Variants in DENND4A observed in about 807,000 individuals in gnomAD.
DENND4A encodes the protein DENN domain containing 4A, also known as C-myc promoter-binding protein.
In DENND4A, 70 loss-of-function variants were observed where a neutral mutation model predicts 199.3. That is an observed-to-expected ratio of 0.35 (90% CI 0.29 to 0.43). The LOEUF is 0.43. DENND4A is among the 20% of genes least tolerant of loss of function. DENND4A has a pLI of 1.00. For synonymous variants in DENND4A, 686 were observed against 766.9 expected (o/e 0.89, Z 1.74); for missense variants, 1,723 against 2,255.8 (o/e 0.76, Z 4.78).
intron 11 of DENND4A, among the ~76,000 whole-genome samples, chr15:65,723,242 T>C (rs2075702011): frequency 6.6e-6 from 1 of 152,180 alleles, no homozygotes; most frequent in Non-Finnish European, 1.5e-5. Context: ...TAAAGCTTAA[T>C]GTGGTGATCT....
Position 65,664,622 on chromosome 15 carries a change from G to C in DENND4A, c.5460C>G (p.Val1820=). Residue 1820 remains valine, a synonymous_variant, in exon 31 of 33, where the codon GTC becomes GTG. Transcript: ENST00000443035. The part of the protein sequence containing the change: ...SMVKSIKMND[V]YGPMSQILET... ...CTAAAATCTGACTCATTGGTCCATA[G>C]ACATCATTCATTTTAATGCTTTTTA... 6.2e-7 allele frequency: 1 copy of C among 1,612,858 alleles called. No homozygotes were observed. The highest frequency in any genetic ancestry group is 1.1e-5 in the South Asian group (1 of 91,042).
At chr15:65,676,983 A>G (rs2076402418) in intron 23 of DENND4A, among the ~76,000 whole-genome samples, 1 of 152,186 alleles carries the variant, frequency 6.6e-6, no homozygotes, top group Non-Finnish European at 1.5e-5. Context: ...CTTTTCCACA[A>G]TATCCAAGGT....
At chr15:65,693,578 T>C (rs2077045479) in intron 22 of DENND4A, among the ~76,000 whole-genome samples, 1 of 151,758 alleles carries the variant, frequency 6.6e-6, no homozygotes, top group South Asian at 2.1e-4. Context: ...ACAGCCTTTT[T>C]ATACATGCTT....
At chr15:65,710,605 C>T (rs558889943) in intron 14 of DENND4A, among the ~76,000 whole-genome samples, 2 of 152,174 alleles carry the variant, frequency 1.3e-5, no homozygotes, top group African/African-American at 4.8e-5. Flanking sequence ...CACAATTGTT[C>T]CTATAAAAAA....
Position 65,732,800 on chromosome 15 carries a change from C to T in DENND4A, c.1059G>A (p.Met353Ile). 6.2e-7 allele frequency: 1 copy of T among 1,600,492 alleles called. No individual in the cohort carries two copies. Among genetic ancestry groups the T allele is most frequent in the Non-Finnish European group, 8.6e-7 (1 of 1,169,144 alleles). ...LPIEKHISHF[M>I]HKVPFPSPQR... ...GAGGAGATGGAAAAGGAACTTTATG[C>T]ATAAAATGAGAAATATGCCTTGAAA... Residue 353 changes from methionine to isoleucine, a missense_variant, in exon 8 of 33, where the codon ATG becomes ATA. Coordinates refer to ENST00000443035, the MANE Select transcript of DENND4A (RefSeq NM_001320835.1).
rs1227829186 is a variant in DENND4A at position 65,732,646 on chromosome 15, T to C, written c.1107+106A>G. ...GTAATAGTATCTGGTTCTCTCTAAA[T>C]CTCATTAGGTTTTTTTCCTCATTCA... On this transcript the variant is annotated intron_variant, in intron 8 of 32. Coordinates refer to ENST00000443035, the MANE Select transcript of DENND4A (RefSeq NM_001320835.1). 2.6e-5 allele frequency: 18 copies of C among 690,800 alleles called. No individual in the cohort carries two copies. In the East Asian group the frequency reaches 4.1e-4, roughly 16 times the overall value. 42.8% of individuals were successfully genotyped at this position (690,800 alleles called of 1,614,324 possible). A position where few individuals can be genotyped will look rare whatever the true frequency, so the allele number is the denominator to read the frequency against.
At chr15:65,789,543 T>C (rs2077659907) in intron 1 of DENND4A, among the ~76,000 whole-genome samples, 1 of 150,354 alleles carries the variant, frequency 6.7e-6, no homozygotes, top group African/African-American at 2.4e-5. Context: ...ATGTATCAGC[T>C]ATTCTCAGTC....
At chr15:65,758,045 G>A (rs2076756545) in intron 2 of DENND4A, among the ~76,000 whole-genome samples, 1 of 152,084 alleles carries the variant, frequency 6.6e-6, no homozygotes, top group East Asian at 1.9e-4. Flanking sequence ...CAGTTCTTGA[G>A]GGTACAGCCT....
At chr15:65,734,578 A>T (rs905598256) in intron 7 of DENND4A, among the ~76,000 whole-genome samples, 2 of 152,072 alleles carry the variant, frequency 1.3e-5, no homozygotes, top group Non-Finnish European at 2.9e-5. Flanking sequence ...TGTTCCACCT[A>T]ACGAGAAACA....
intron 23 of DENND4A, among the ~76,000 whole-genome samples, chr15:65,677,570 C>T (rs887366035): frequency 2.6e-5 from 4 of 152,104 alleles, no homozygotes; most frequent in African/African-American, 9.7e-5. Context: ...AGGTCTGTAT[C>T]TTGCTAATGA....
intron 32 of DENND4A, among the ~76,000 whole-genome samples, chr15:65,662,273 T>A (rs1258957647): frequency 6.6e-6 from 1 of 152,198 alleles, no homozygotes; most frequent in Non-Finnish European, 1.5e-5. Flanking sequence ...ACAGTAAAAA[T>A]AAATAATAGC....
At chr15:65,771,749 G>A in intron 1 of DENND4A, 1 of 1,612,196 alleles carries the variant, frequency 6.2e-7, no homozygotes, top group Non-Finnish European at 8.5e-7. Context: ...AAACCTCTAT[G>A]GAAATTAAAT....
At chr15:65,734,158 C>G (rs532347724) in intron 7 of DENND4A, among the ~76,000 whole-genome samples, 1 of 152,152 alleles carries the variant, frequency 6.6e-6, no homozygotes, top group Admixed American at 6.5e-5. Flanking sequence ...GTCTCCTGCC[C>G]GTCCCTGGGC....
intron 4 of DENND4A, among the ~76,000 whole-genome samples, chr15:65,746,882 TATGGTAAAACCCTGTTCTCTACTAAAAAA>T (rs2076414512): frequency 6.7e-6 from 1 of 149,458 alleles, no homozygotes; most frequent in Non-Finnish European, 1.5e-5. Flanking sequence ...GCCTGGCCAA[TATGGTAAAACCCTGTTCTCTACTAAAAAA>T]ATGGTAAAAC....
intron 32 of DENND4A, among the ~76,000 whole-genome samples, chr15:65,663,981 G>T (rs1209511230): frequency 6.6e-6 from 1 of 152,024 alleles, no homozygotes; most frequent in South Asian, 2.1e-4. Context: ...TTCCTGACTA[G>T]TCCTTTTCTT....
chr15:65,734,166 G>A (rs1204167070), intron 7 of DENND4A, among the ~76,000 whole-genome samples: 1 of 152,156 alleles, frequency 6.6e-6, no homozygotes. Context: ...CCCGTCCCTG[G>A]GCAATGGAAT....
chr15:65,737,647 A>G (rs2076152409), intron 7 of DENND4A, 60 bp downstream of exon 7: 1 of 1,494,080 alleles, frequency 6.7e-7, no homozygotes, highest in African/African-American at 1.4e-5. Context: ...AGTTGCCGAC[A>G]CAAATTTGCC....
At position 65,729,782 on chromosome 15, in the gene DENND4A, T is replaced by A. The variant is rs942079849; in HGVS notation, c.1167-104A>T. ...GTTGATTAGAGTAGGATTTGTATTA[T>A]ATATGTTGATTAGGGTACAATTTGT... On this transcript the variant is annotated intron_variant, in intron 9 of 32. Coordinates refer to ENST00000443035, the MANE Select transcript of DENND4A (RefSeq NM_001320835.1). The A allele has an allele frequency of 3.9e-6, 4 of 1,035,938 alleles. No individual in the cohort carries two copies. In the African/African-American group the frequency reaches 6.5e-5, roughly 17 times the overall value. 64.2% of individuals were successfully genotyped at this position (1,035,938 alleles called of 1,614,324 possible). A position where few individuals can be genotyped will look rare whatever the true frequency, so the allele number is the denominator to read the frequency against.
chr15:65,684,353 C>T (rs1337785243), intron 23 of DENND4A, among the ~76,000 whole-genome samples: 1 of 152,126 alleles, frequency 6.6e-6, no homozygotes, highest in Non-Finnish European at 1.5e-5. Context: ...ATGAGGGTTC[C>T]CATTTCTCCA....
Sources: gnomAD v4.1 joint callset for allele counts (sites outside exome capture counted in the v4.1 genomes callset) on GRCh38, gnomAD v4.1.1 for gene constraint, MANE v1.5 for transcripts, NCBI Gene and HGNC (gene_info 2026-07-23, HGNC 2026-07-21) for gene names.